Variants in CLIC4 observed in about 807,000 individuals in gnomAD.
CLIC4 encodes CLIC family member 4.
CLIC4 carries 13 observed loss-of-function variants against 24.6 expected under a neutral mutation model. The ratio of observed to expected loss-of-function variants is 0.53; its 90% confidence interval spans 0.34 to 0.84. The LOEUF is 0.84. Ranked by LOEUF, CLIC4 falls within the 40% of genes least tolerant of loss-of-function variation. The pLI is 0.01. For synonymous variants in CLIC4, 104 were observed against 111.3 expected (o/e 0.93, Z 0.41); for missense variants, 227 against 301.7 (o/e 0.75, Z 1.83).
At chr1:24,796,852 A>G (rs1639409701) in intron 1 of CLIC4, among the ~76,000 whole-genome samples, 2 of 152,200 alleles carry the variant, frequency 1.3e-5, no homozygotes, top group Non-Finnish European at 2.9e-5. Context: ...GCTAGTGGCT[A>G]CCATATTGGA....
chr1:24,841,381 GA>G lies in CLIC4; in HGVS notation c.*446del, dbSNP rs1167606169. On this transcript the variant is annotated 3_prime_UTR_variant, in exon 6 of 6. Coordinates refer to ENST00000374379, the MANE Select transcript of CLIC4 (RefSeq NM_013943.3). ...ACAAGAAATATTTATGTATTTTTTG[GA>G]ATTTTGTAATATTTAGTAAGAGTAT... 6.6e-6 allele frequency: 1 copy of G among 152,476 alleles called. No homozygotes were observed. Among genetic ancestry groups the G allele is most frequent in the East Asian group, 1.9e-4 (1 of 5,206 alleles). The allele number at this position is 152,476 out of a possible 1,614,324, so 9.4% of individuals were successfully genotyped here. A position where few individuals can be genotyped will look rare whatever the true frequency, so the allele number is the denominator to read the frequency against.
chr1:24,839,912 T>C lies in CLIC4; in HGVS notation c.468T>C (p.Asn156=). 2 of 1,612,906 alleles carry C rather than the reference T, an allele frequency of 1.2e-6. No individual in the cohort carries two copies. Among genetic ancestry groups the C allele is most frequent in the Non-Finnish European group, 1.7e-6 (2 of 1,179,996 alleles). ...KTLQKLDEYL[N]SPLPDEIDEN... ...TGCAGAAACTGGATGAATATCTGAA[T>C]TCTCCTCTCCCTGATGAAATTGATG... Residue 156 remains asparagine (N), a synonymous_variant, in exon 5 of 6, where the codon AAT becomes AAC. Coordinates refer to ENST00000374379, the MANE Select transcript of CLIC4 (RefSeq NM_013943.3).
At chr1:24,789,589 GT>G (rs1228944213) in intron 1 of CLIC4, among the ~76,000 whole-genome samples, 1 of 152,104 alleles carries the variant, frequency 6.6e-6, no homozygotes, top group East Asian at 1.9e-4. Flanking sequence ...GTTTTTCTCT[GT>G]TGTTTAGACT....
At chr1:24,827,670 T>G (rs1639800877) in intron 4 of CLIC4, among the ~76,000 whole-genome samples, 1 of 151,984 alleles carries the variant, frequency 6.6e-6, no homozygotes, top group Non-Finnish European at 1.5e-5. Flanking sequence ...TTTCTCTGCA[T>G]CTTCAAGCTG....
At chr1:24,788,104 G>A (rs1245736130) in intron 1 of CLIC4, among the ~76,000 whole-genome samples, 3 of 151,788 alleles carry the variant, frequency 2.0e-5, no homozygotes, top group African/African-American at 2.4e-5. Flanking sequence ...TGCCTGCCTC[G>A]GCCTCCCAAA....
chr1:24,791,518 T>TC (rs1639333836), intron 1 of CLIC4, among the ~76,000 whole-genome samples: 1 of 152,134 alleles, frequency 6.6e-6, no homozygotes, highest in Non-Finnish European at 1.5e-5. Context: ...GGTGGGTGGA[T>TC]CACTTGAGTT....
At chr1:24,772,082 C>A (rs1374463032) in intron 1 of CLIC4, among the ~76,000 whole-genome samples, 2 of 152,100 alleles carry the variant, frequency 1.3e-5, no homozygotes. Context: ...AATACAAATT[C>A]TTCATGATAA....
intron 1 of CLIC4, among the ~76,000 whole-genome samples, chr1:24,777,013 T>C (rs1639149789): frequency 6.6e-6 from 1 of 152,246 alleles, no homozygotes; most frequent in Non-Finnish European, 1.5e-5. Flanking sequence ...CGTTGAGGCA[T>C]GTAAGACTAT....
chr1:24,797,629 A>G (rs972444014), intron 1 of CLIC4, 113 bp from the exon 2 acceptor site: 10 of 646,296 alleles, frequency 1.5e-5, no homozygotes, highest in African/African-American at 1.5e-4. Context: ...TCTTCCTTCC[A>G]CAATGTAACT....
intron 1 of CLIC4, among the ~76,000 whole-genome samples, chr1:24,753,226 G>T (rs116115953): frequency 6.6e-6 from 1 of 152,112 alleles, no homozygotes; most frequent in Non-Finnish European, 1.5e-5. Flanking sequence ...TAAAAGAAGG[G>T]CTTGGGCTAG....
chr1:24,824,646 G>C (rs1432845916), intron 3 of CLIC4, among the ~76,000 whole-genome samples: 4 of 151,986 alleles, frequency 2.6e-5, no homozygotes, highest in Non-Finnish European at 5.9e-5. Flanking sequence ...TTTCCTTTTA[G>C]GTAAAATGAG....
chr1:24,824,851 G>A (rs1372610870), intron 3 of CLIC4, among the ~76,000 whole-genome samples: 4 of 151,572 alleles, frequency 2.6e-5, no homozygotes, highest in African/African-American at 9.7e-5. Flanking sequence ...AATACAAAAA[G>A]CTAGCCAAGT....
At chr1:24,774,799 A>C (rs1300749239) in intron 1 of CLIC4, among the ~76,000 whole-genome samples, 1 of 152,056 alleles carries the variant, frequency 6.6e-6, no homozygotes, top group Non-Finnish European at 1.5e-5. Context: ...GACCGAGGGC[A>C]GTGGCTCATG....
At chr1:24,748,822 G>A (rs1478137060) in intron 1 of CLIC4, among the ~76,000 whole-genome samples, 1 of 151,846 alleles carries the variant, frequency 6.6e-6, no homozygotes, top group African/African-American at 2.4e-5. Flanking sequence ...GTTTGAAAGG[G>A]GAAAAAAGGA....
chr1:24,821,835 C>G (rs1384023160), intron 3 of CLIC4, among the ~76,000 whole-genome samples: 1 of 152,204 alleles, frequency 6.6e-6, no homozygotes, highest in Non-Finnish European at 1.5e-5. Flanking sequence ...ATCTGCCCAC[C>G]TCAGCCTCCC....
At chr1:24,768,401 T>C (rs1014928356) in intron 1 of CLIC4, among the ~76,000 whole-genome samples, 1 of 152,250 alleles carries the variant, frequency 6.6e-6, no homozygotes, top group Non-Finnish European at 1.5e-5. Flanking sequence ...GACGTGCTTA[T>C]ATTTTTAACA....
At chr1:24,814,727 TC>T (rs1308190510) in intron 3 of CLIC4, among the ~76,000 whole-genome samples, 2 of 152,224 alleles carry the variant, frequency 1.3e-5, no homozygotes, top group Admixed American at 6.5e-5. Flanking sequence ...TTTGAGGTGT[TC>T]CAGATCTCTA....
intron 2 of CLIC4, chr1:24,798,072 C>T (rs1175237600): frequency 5.1e-6 from 2 of 394,810 alleles, no homozygotes; most frequent in East Asian, 5.2e-5. Flanking sequence ...GTATGTTTAC[C>T]TTAAATTTCA....
chr1:24,772,342 C>T (rs1033147713), intron 1 of CLIC4, among the ~76,000 whole-genome samples: 1 of 151,870 alleles, frequency 6.6e-6, no homozygotes, highest in African/African-American at 2.4e-5. Flanking sequence ...TAAAATATTT[C>T]AGTAAGAAAC....
Sources: allele counts gnomAD v4.1 joint callset (sites outside exome capture counted in the v4.1 genomes callset), GRCh38; gene constraint gnomAD v4.1.1; transcripts MANE v1.5; gene names NCBI Gene and HGNC (gene_info 2026-07-23, HGNC 2026-07-21).